Variants in IGSF5 observed in about 807,000 individuals in gnomAD.
IGSF5 encodes immunoglobulin superfamily 5 like.
In IGSF5, 41 loss-of-function variants were observed where a neutral mutation model predicts 39.4. The observed-to-expected ratio is 1.04, with a 90% CI of 0.81 to 1.35. IGSF5 has a LOEUF of 1.35. Ranked by LOEUF, IGSF5 falls within the 40% of genes most tolerant of loss-of-function variation. The pLI, the probability that IGSF5 is intolerant of heterozygous loss-of-function variation, is 0.00. For synonymous variants in IGSF5, 183 were observed against 175.3 expected (o/e 1.04, Z -0.34); for missense variants, 487 against 494.6 (o/e 0.98, Z 0.15).
At chr21:39,762,486 C>T (rs183517496) in intron 2 of IGSF5, among the ~76,000 whole-genome samples, 3 of 152,142 alleles carry the variant, frequency 2.0e-5, no homozygotes, top group Admixed American at 1.3e-4. Context: ...GGGGTTGTGG[C>T]GACCAGGGTT....
At position 39,779,195 on chromosome 21, in the gene IGSF5, T is replaced by C. The variant is rs142136474; in HGVS notation, c.824T>C (p.Met275Thr). The change falls in exon 5 of 9, where the codon ATG becomes ACG. Residue 275 changes from methionine (M) to threonine (T), a missense_variant. By Grantham distance (81) the Met-to-Thr change is moderately conservative. Transcript: ENST00000380588. ...GTTGGACTTGGACTAGCAGGCACCA[T>C]GCTTCTGACGCCGACGTGTACTCTT... is the stretch of plus-strand genomic sequence containing the variant. ...GKVGLGLAGT[M>T]LLTPTCTLTI... is the part of the protein sequence containing the mutation. The C allele has an allele frequency of 1.2e-3, 1,871 of 1,614,174 alleles. 12 individuals carry two copies. In the Middle Eastern group the frequency reaches 0.015, roughly 13 times the overall value.
At chr21:39,712,957 G>A in the IGSF5 span, among the ~76,000 whole-genome samples, 17,616 of 152,024 alleles carry the variant, frequency 0.12, 1,431 homozygotes, top group East Asian at 0.23. Context: ...TTTTGTTTCC[G>A]CTCCAAGTAG....
chr21:39,779,404 A>G, intron 5 of IGSF5, 99 bp downstream of exon 5: 5 of 1,405,822 alleles, frequency 3.6e-6, no homozygotes, highest in Non-Finnish European at 4.8e-6. Flanking sequence ...AGATAGATTA[A>G]CTACAATATC....
the IGSF5 span, among the ~76,000 whole-genome samples, chr21:39,714,948 G>A: frequency 6.6e-6 from 1 of 152,134 alleles, no homozygotes; most frequent in South Asian, 2.1e-4. Flanking sequence ...ATTACACATG[G>A]TGGATGGGGA....
chr21:39,782,625 G>A (rs888917795), intron 5 of IGSF5, among the ~76,000 whole-genome samples: 1 of 152,092 alleles, frequency 6.6e-6, no homozygotes, highest in Non-Finnish European at 1.5e-5. Flanking sequence ...TTTAAAAATG[G>A]CATACAGAGT....
intron 2 of IGSF5, among the ~76,000 whole-genome samples, chr21:39,759,955 G>T (rs79452439): frequency 6.6e-6 from 1 of 151,886 alleles, no homozygotes; most frequent in Non-Finnish European, 1.5e-5. Flanking sequence ...TATTTCAGGA[G>T]AGGAGAGTAT....
chr21:39,798,293 G>A (rs1013091122), intron 8 of IGSF5, among the ~76,000 whole-genome samples: 5 of 152,162 alleles, frequency 3.3e-5, no homozygotes, highest in African/African-American at 1.2e-4. Context: ...CACCCTGCAC[G>A]ATGGGTACTC....
At chr21:39,716,924 A>G in the IGSF5 span, among the ~76,000 whole-genome samples, 1 of 152,236 alleles carries the variant, frequency 6.6e-6, no homozygotes, top group Non-Finnish European at 1.5e-5. Context: ...GAATCACCAC[A>G]CTGCTTTTCA....
At chr21:39,744,382 A>G (rs1443520156), upstream of IGSF5, among the ~76,000 whole-genome samples, 1 of 152,206 alleles carries the variant, frequency 6.6e-6, no homozygotes, top group African/African-American at 2.4e-5. Flanking sequence ...GTCAGGATTG[A>G]GATAGTCTTT....
chr21:39,788,255 C>A, intron 6 of IGSF5, 67 bp downstream of exon 6: 1 of 1,145,160 alleles, frequency 8.7e-7, no homozygotes, highest in Non-Finnish European at 1.3e-6. Context: ...ACAATAATAA[C>A]AACAATACGT....
At chr21:39,765,158 C>G (rs1244790621) in intron 2 of IGSF5, among the ~76,000 whole-genome samples, 1 of 152,172 alleles carries the variant, frequency 6.6e-6, no homozygotes, top group African/African-American at 2.4e-5. Context: ...TATAGGGACA[C>G]CTGTGAGTGG....
chr21:39,744,212 C>T (rs1027235536), upstream of IGSF5, among the ~76,000 whole-genome samples: 21 of 152,296 alleles, frequency 1.4e-4, no homozygotes, highest in African/African-American at 5.1e-4. Flanking sequence ...GGTCCTTTAC[C>T]AGCGTGCCCA....
chr21:39,738,068 A>G, the IGSF5 span, among the ~76,000 whole-genome samples: 1 of 152,152 alleles, frequency 6.6e-6, no homozygotes, highest in Admixed American at 6.5e-5. This position sits in a 1 kb window ranked among gnomAD's most constrained non-coding sequence, Gnocchi z 6.4. Context: ...ATCTATTTCT[A>G]TCTATATATC....
At chr21:39,768,624 A>G (rs187225727) in intron 3 of IGSF5, among the ~76,000 whole-genome samples, 54 of 152,354 alleles carry the variant, frequency 3.5e-4, no homozygotes, top group African/African-American at 1.3e-3. Flanking sequence ...AGCTTCTGTT[A>G]TTAACTGAGA....
At chr21:39,728,634 A>C in the IGSF5 span, among the ~76,000 whole-genome samples, 1 of 152,150 alleles carries the variant, frequency 6.6e-6, no homozygotes, top group Non-Finnish European at 1.5e-5. Context: ...TGACCTCTCC[A>C]ATAAACTGCC....
At chr21:39,760,774 G>T (rs1161542844) in intron 2 of IGSF5, among the ~76,000 whole-genome samples, 1 of 152,106 alleles carries the variant, frequency 6.6e-6, no homozygotes, top group African/African-American at 2.4e-5. Flanking sequence ...GTTTCACTAT[G>T]TTGGCCAGGA....
chr21:39,779,001 C>A, intron 4 of IGSF5, 89 bp from the exon 5 acceptor site: 2 of 1,473,852 alleles, frequency 1.4e-6, no homozygotes, highest in Non-Finnish European at 9.2e-7. Context: ...TATAATATTA[C>A]TAGAAAACAT....
chr21:39,756,346 G>T (rs1398942451), intron 2 of IGSF5, among the ~76,000 whole-genome samples: 3 of 152,196 alleles, frequency 2.0e-5, no homozygotes, highest in Admixed American at 6.5e-5. Context: ...TGAGATGTCC[G>T]CAGATCAAGG....
intron 4 of IGSF5, among the ~76,000 whole-genome samples, chr21:39,776,775 AGTG>A (rs1354587015): frequency 6.6e-6 from 1 of 152,194 alleles, no homozygotes; most frequent in Non-Finnish European, 1.5e-5. Flanking sequence ...ACTGATAGAG[AGTG>A]TGTGAGTAAG....
Sources: gnomAD v4.1 joint callset for allele counts (sites outside exome capture counted in the v4.1 genomes callset) on GRCh38, gnomAD v4.1.1 for gene constraint, Gnocchi (gnomAD v3.1) non-coding constraint, MANE v1.5 for transcripts, NCBI Gene and HGNC (gene_info 2026-07-23, HGNC 2026-07-21) for gene names.